Variants in TFIP11 observed in about 807,000 individuals in gnomAD.
TFIP11 encodes the protein tuftelin-interacting protein 11.
TFIP11 carries 86 observed loss-of-function variants against 96.8 expected under a neutral mutation model. That is an observed-to-expected ratio of 0.89 (90% CI 0.75 to 1.06). The LOEUF (loss-of-function observed/expected upper bound fraction) is 1.06, where lower values mean the gene tolerates loss of function less well. TFIP11 is among the 50% of genes least tolerant of loss of function. The pLI, the probability that TFIP11 is intolerant of heterozygous loss-of-function variation, is 0.00. For synonymous variants in TFIP11, 405 were observed against 395.2 expected (o/e 1.02, Z -0.29); for missense variants, 881 against 1,076.7 (o/e 0.82, Z 2.54).
At chr22:26,498,695 A>C (rs1483549554) in intron 10 of TFIP11, 174 bp downstream of exon 10, 1 of 590,644 alleles carries the variant, frequency 1.7e-6, no homozygotes, top group African/African-American at 1.9e-5. Flanking sequence ...AAACATTTCA[A>C]AAAAATTAAA....
intron 10 of TFIP11, among the ~76,000 whole-genome samples, chr22:26,497,897 C>T (rs112978893): frequency 6.5e-4 from 85 of 131,608 alleles, no homozygotes; most frequent in African/African-American, 2.2e-3. Flanking sequence ...AAAAAAAAGT[C>T]ATATACGAGA....
In TFIP11 at chr22:26,512,454, C is replaced by G. The variant is rs918721100; in HGVS notation, c.-233G>C. On this transcript the variant is annotated 5_prime_UTR_variant, in exon 1 of 15. Coordinates refer to ENST00000407690, the MANE Select transcript of TFIP11 (RefSeq NM_012143.4). Reference sequence around the variant, plus strand: ...CCATCCGCGCGAGAAGACGCCGCTCCTACACCAGAACCCGGAAGCACCGTG... The same window carrying G: ...CCATCCGCGCGAGAAGACGCCGCTCGTACACCAGAACCCGGAAGCACCGTG... The G allele has an allele frequency of 6.6e-6, 1 of 152,384 alleles. No homozygotes were observed. The highest frequency in any genetic ancestry group is 2.4e-5 in the African/African-American group (1 of 41,476). 9.4% of individuals were successfully genotyped at this position (152,384 alleles called of 1,614,324 possible). A position where few individuals can be genotyped will look rare whatever the true frequency, so the allele number is the denominator to read the frequency against.
chr22:26,498,835 G>C (rs199498309), intron 10 of TFIP11, 34 bp downstream of exon 10: 5 of 1,559,326 alleles, frequency 3.2e-6, no homozygotes, highest in Non-Finnish European at 4.4e-6. Context: ...CAGGAGAAAG[G>C]AGCTGGGGTA....
chr22:26,498,541 CA>C (rs10716815), intron 10 of TFIP11, among the ~76,000 whole-genome samples: 41,007 of 83,574 alleles, frequency 0.49, 5,651 homozygotes, highest in Middle Eastern at 0.54. Flanking sequence ...GACTCCATCT[CA>C]AAAAAAAAAA....
At position 26,499,349 on chromosome 22, in the gene TFIP11, C is replaced by T. The variant is rs1305591631; in HGVS notation, c.1084G>A (p.Val362Ile). The part of the protein sequence containing the change: ...LFHELEKMTE[V>I]LDHEERVISN... ...ATGACCCGCTCCTCGTGGTCCAGGA[C>T]CTCGGTCATCTTCTCCAGCTCGTGG... Residue 362 changes from valine to isoleucine, a missense_variant, in exon 9 of 15, where the codon GTC becomes ATC. Physicochemically the swap from Val to Ile is conservative, Grantham distance 29. Transcript: ENST00000407690. The T allele has an allele frequency of 1.9e-6, 3 of 1,614,056 alleles. No homozygotes were observed. The highest frequency in any genetic ancestry group is 8.5e-7 in the Non-Finnish European group (1 of 1,180,012).
chr22:26,503,242 C>T (rs1173524990), intron 7 of TFIP11, among the ~76,000 whole-genome samples: 8 of 152,164 alleles, frequency 5.3e-5, no homozygotes, highest in Non-Finnish European at 1.2e-4. Context: ...ACCGCCCTCC[C>T]ACCGCAAGGG....
Position 26,491,888 on chromosome 22 carries a change from G to T in TFIP11, c.*125C>A. The T allele has an allele frequency of 9.5e-7, 1 of 1,051,370 alleles. No individual in the cohort carries two copies. Among genetic ancestry groups the T allele is most frequent in the Non-Finnish European group, 1.4e-6 (1 of 732,910 alleles). 65.1% of individuals were successfully genotyped at this position (1,051,370 alleles called of 1,614,324 possible). On this transcript the variant is annotated 3_prime_UTR_variant, in exon 15 of 15. Transcript: ENST00000407690. ...ATTTTACATCCTTCCCTCATGACCT[G>T]GCCTGATGTGGAGTAGCTCCTGAGT...
Position 26,499,223 on chromosome 22 carries a change from A to G in TFIP11, c.1210T>C (p.Phe404Leu). ...TAGTACTTGTCCTGCAGGGTTTCGA[A>G]GATGCGGGCACACTCGTCCAGGGTG... is the stretch of plus-strand genomic sequence containing the variant. ...PLTLDECARI[F>L]ETLQDKYYEE... The change falls in exon 9 of 15, where the codon TTC becomes CTC. Residue 404 changes from phenylalanine (F) to leucine (L), a missense_variant. Transcript: ENST00000407690. The G allele has an allele frequency of 1.2e-6, 2 of 1,613,964 alleles. No individual in the cohort carries two copies. The highest frequency in any genetic ancestry group is 1.7e-6 in the Non-Finnish European group (2 of 1,179,958).
At chr22:26,502,324 T>G (rs878944337) in intron 7 of TFIP11, among the ~76,000 whole-genome samples, 2 of 152,086 alleles carry the variant, frequency 1.3e-5, no homozygotes, top group Non-Finnish European at 1.5e-5. Context: ...GAAACAACAT[T>G]TATTGAGCAT....
At chr22:26,506,520 A>C in intron 5 of TFIP11, 61 bp from the exon 6 acceptor site, 3 of 1,554,398 alleles carry the variant, frequency 1.9e-6, no homozygotes, top group Non-Finnish European at 2.6e-6. Flanking sequence ...AAAATCTAAG[A>C]AAGCTTGGCC....
In TFIP11 at chr22:26,503,736, T is replaced by A; in HGVS notation, c.578A>T (p.Tyr193Phe). The change falls in exon 7 of 15, where the codon TAT becomes TTT. Residue 193 changes from tyrosine to phenylalanine, a missense_variant. Physicochemically the swap from Tyr to Phe is conservative, Grantham distance 22. Transcript: ENST00000407690. ...QRKGKGAVGA[Y>F]GSERTTQSMQ... Reference sequence around the variant, plus strand: ...GGACTGAGTGGTGCGCTCGGATCCATAAGCCCCCACAGCACCTTTTCCCTT... The same window carrying A: ...GGACTGAGTGGTGCGCTCGGATCCAAAAGCCCCCACAGCACCTTTTCCCTT... The A allele has an allele frequency of 6.2e-7, 1 of 1,613,994 alleles. No individual in the cohort carries two copies. Among genetic ancestry groups the A allele is most frequent in the East Asian group, 2.2e-5 (1 of 44,866 alleles).
intron 6 of TFIP11, 118 bp from the exon 7 acceptor site, chr22:26,503,911 C>T (rs1923107220): frequency 1.6e-5 from 21 of 1,337,480 alleles, no homozygotes; most frequent in Non-Finnish European, 2.1e-5. Context: ...ACATGCTACT[C>T]AGGAAGGAGA....
chr22:26,501,903 G>T lies in TFIP11; in HGVS notation c.798C>A (p.Val266=). The T allele has an allele frequency of 2.5e-6, 4 of 1,608,244 alleles. No individual in the cohort carries two copies. The highest frequency in any genetic ancestry group is 1.1e-5 in the South Asian group (1 of 90,870). The change falls in exon 8 of 15, where the codon GTC becomes GTA. Residue 266 remains valine (V), a synonymous_variant. Coordinates refer to ENST00000407690, the MANE Select transcript of TFIP11 (RefSeq NM_012143.4). ...AGGTGTCCAAGGGCCCCTGTACCTT[G>T]ACTTGAGAAAGTTCCTTCTGGGGAG... ...LTAPQKELSQ[V]KVIDMTGREQ...
At chr22:26,507,918 C>A (rs1170429161) in intron 4 of TFIP11, among the ~76,000 whole-genome samples, 2 of 152,074 alleles carry the variant, frequency 1.3e-5, no homozygotes, top group African/African-American at 4.8e-5. Context: ...CCAGCTGGGC[C>A]AACATAGCAA....
rs763482421 is a variant in TFIP11 at position 26,506,332 on chromosome 22, G to A, written c.491C>T (p.Pro164Leu). The change falls in exon 6 of 15, where the codon CCT becomes CTT. Residue 164 changes from proline to leucine, a missense_variant. Coordinates refer to ENST00000407690, the MANE Select transcript of TFIP11 (RefSeq NM_012143.4). ...QKLLQKMGYV[P>L]GRGLGKNAQG... is the part of the protein sequence containing the mutation. ...TGCATTCTTCCCGAGGCCCCGTCCA[G>A]GGACGTAGCCCATCTTCTGAAGAAG... 2 of 1,611,894 alleles carry A rather than the reference G, an allele frequency of 1.2e-6. No individual in the cohort carries two copies. The highest frequency in any genetic ancestry group is 1.7e-6 in the Non-Finnish European group (2 of 1,179,316).
chr22:26,501,809 CCTAGCTA>C, intron 8 of TFIP11, 84 bp downstream of exon 8: 1 of 689,748 alleles, frequency 1.4e-6, no homozygotes, highest in Non-Finnish European at 2.1e-6. Flanking sequence ...AAAAAAAAAG[CCTAGCTA>C]AAAGATCCAA....
rs112158657 is a variant in TFIP11 at position 26,491,956 on chromosome 22, T to A, written c.*57A>T. On this transcript the variant is annotated 3_prime_UTR_variant, in exon 15 of 15. Transcript: ENST00000407690. ...GAAGGTGATCTAAAAATACTGTTTA[T>A]TTACAGTACATCCCTCTTAGGGGCA... The A allele has an allele frequency of 1.4e-6, 2 of 1,474,754 alleles. No homozygotes were observed. Among genetic ancestry groups the A allele is most frequent in the Admixed American group, 4.1e-5 (2 of 48,664 alleles). The allele number at this position is 1,474,754 out of a possible 1,614,324, so 91.4% of individuals were successfully genotyped here. A position where few individuals can be genotyped will look rare whatever the true frequency, so the allele number is the denominator to read the frequency against.
chr22:26,492,411 G>C (rs200343279), intron 14 of TFIP11, 43 bp from the exon 15 acceptor site: 1 of 1,582,218 alleles, frequency 6.3e-7, no homozygotes, highest in Non-Finnish European at 8.7e-7. Context: ...GGTGTTTCCA[G>C]GTGTATGGAA....
In TFIP11 at chr22:26,499,081, G is replaced by T. The variant is rs185331526; in HGVS notation, c.1329+23C>A. 1.4e-4 allele frequency: 228 copies of T among 1,594,752 alleles called. 1 individual carries two copies. The Admixed American group carries it at 2.2e-3, about 15-fold the overall frequency. ...TAAGCCCAACCGAGAGGCAGGGATA[G>T]GTTGATTTTCCCAGCAACTCACTTT... On this transcript the variant is annotated intron_variant, in intron 9 of 14. Transcript: ENST00000407690.
Sources: allele counts gnomAD v4.1 joint callset (sites outside exome capture counted in the v4.1 genomes callset), GRCh38; gene constraint gnomAD v4.1.1; transcripts MANE v1.5; gene names NCBI Gene and HGNC (gene_info 2026-07-23, HGNC 2026-07-21).